RYR2: variants seen among roughly 807,000 people sequenced by gnomAD.
RYR2 encodes cardiac muscle ryanodine receptor-calcium release channel.
A neutral mutation model predicts 601.1 loss-of-function variants in RYR2; 227 were observed. The observed-to-expected ratio is 0.38, with a 90% confidence interval of 0.34 to 0.42. RYR2 has a LOEUF of 0.42. RYR2 is among the 10% of genes least tolerant of loss of function. RYR2 has a pLI of 1.00. For synonymous variants in RYR2, 2,223 were observed against 2,175.1 expected, an observed-to-expected ratio of 1.02 and a Z score of -0.61; for missense variants, 4,646 against 6,156.5, an observed-to-expected ratio of 0.75 and a Z score of 8.21.
chr1:237,486,598 C>G (rs1662715173), intron 17 of RYR2, among the ~76,000 whole-genome samples: 1 of 152,082 alleles, frequency 6.6e-6, no homozygotes, highest in East Asian at 1.9e-4. Flanking sequence ...ATGTTACTGG[C>G]CTTTTGTTGT....
chr1:237,684,715 G>A (rs1686211555), intron 62 of RYR2, among the ~76,000 whole-genome samples: 1 of 152,016 alleles, frequency 6.6e-6, no homozygotes, highest in Non-Finnish European at 1.5e-5. Context: ...ATATTAGCAT[G>A]TGGGGTTAAT....
intron 1 of RYR2, among the ~76,000 whole-genome samples, chr1:237,172,527 G>A (rs1382656741): frequency 6.6e-6 from 1 of 151,906 alleles, no homozygotes; most frequent in Non-Finnish European, 1.5e-5. Context: ...GAAAGGCAGT[G>A]CTCCAATGAG....
chr1:237,050,611 T>A (rs1237444396), intron 1 of RYR2, among the ~76,000 whole-genome samples: 2 of 152,228 alleles, frequency 1.3e-5, no homozygotes, highest in African/African-American at 4.8e-5. Context: ...TTCTCTTTCC[T>A]CCTGAGTTTA....
At chr1:237,219,936 G>A (rs772271006) in intron 1 of RYR2, among the ~76,000 whole-genome samples, 16 of 152,304 alleles carry the variant, frequency 1.1e-4, no homozygotes, top group Admixed American at 5.2e-4. Context: ...TGTGGCAGGC[G>A]CTGTGCCAGG....
At chr1:237,254,101 T>C (rs1467759398) in intron 1 of RYR2, among the ~76,000 whole-genome samples, 3 of 152,200 alleles carry the variant, frequency 2.0e-5, no homozygotes, top group Non-Finnish European at 4.4e-5. Context: ...AAGATTAAAA[T>C]TACTTCTGTG....
chr1:237,761,985 A>AT (rs1236454413), intron 84 of RYR2, among the ~76,000 whole-genome samples: 1 of 151,978 alleles, frequency 6.6e-6, no homozygotes, highest in South Asian at 2.1e-4. Context: ...TTATCTATGT[A>AT]TTTTTTTCTT....
chr1:237,627,814 G>A lies in RYR2; in HGVS notation c.6174G>A (p.Leu2058=), dbSNP rs531705847. Residue 2058 remains leucine, a synonymous_variant, in exon 41 of 105, where the codon CTG becomes CTA. Transcript: ENST00000366574. ...VESDSKKSST[L]QQLISETMVR... is the part of the protein sequence containing the mutation. ...TCCATAATGACTTTGCAGCCACTCTGCAGCAGCTGATTTCTGAGACCATGG... is the reference window on the plus strand; with the variant it reads ...TCCATAATGACTTTGCAGCCACTCTACAGCAGCTGATTTCTGAGACCATGG... 8.7e-6 allele frequency: 14 copies of A among 1,602,100 alleles called. No homozygotes were observed. In the East Asian group the frequency reaches 9.0e-5, roughly 10 times the overall value.
In RYR2 at chr1:237,732,147, A is replaced by G. The variant is rs1573718885; in HGVS notation, c.11037A>G (p.Lys3679=). 1 of 1,600,384 alleles carries G rather than the reference A, an allele frequency of 6.2e-7. No homozygotes were observed. Among genetic ancestry groups the G allele is most frequent in the South Asian group, 1.1e-5 (1 of 90,372 alleles). Residue 3679 remains lysine, a splice_region_variant and synonymous_variant, in exon 78 of 105, where the codon AAA becomes AAG. Coordinates refer to ENST00000366574, the MANE Select transcript of RYR2 (RefSeq NM_001035.3). ...LLFSRTALTE[K]CKLEEDFLYM... Reference sequence around the variant, plus strand: ...TTAGTCGGACAGCTTTAACAGAGAAATGGTATGGTTGGGAGGGTTCCTATG... The same window carrying G: ...TTAGTCGGACAGCTTTAACAGAGAAGTGGTATGGTTGGGAGGGTTCCTATG...
Position 237,660,862 on chromosome 1 carries a change from C to T in RYR2, c.8351C>T (p.Ala2784Val). 1 of 1,546,008 alleles carries T rather than the reference C, an allele frequency of 6.5e-7. No individual in the cohort carries two copies. The highest frequency in any genetic ancestry group is 8.7e-7 in the Non-Finnish European group (1 of 1,143,640). ...AAAGAATCTTTAAAAACTATGCTGG[C>T]TTGGGGCTGGAGAATTGAAAGAACT... ...PIKESLKTML[A>V]WGWRIERTRE... Residue 2784 changes from alanine (A) to valine (V), a missense_variant, in exon 56 of 105, where the codon GCT becomes GTT. This residue lies in a region of RYR2 where 1,497 missense variants were observed against 1,842.6 expected (regional missense o/e 0.81). Transcript: ENST00000366574.
chr1:237,507,225 A>G (rs913109189), intron 23 of RYR2, among the ~76,000 whole-genome samples: 1 of 152,258 alleles, frequency 6.6e-6, no homozygotes, highest in Non-Finnish European at 1.5e-5. Flanking sequence ...TTTCAGTTCC[A>G]ATTGTGTGTA....
intron 47 of RYR2, among the ~76,000 whole-genome samples, chr1:237,641,485 C>CTTTCTTTCTTTCTTTCTTTCTT (rs1558122561): frequency 3.6e-4 from 26 of 72,250 alleles, no homozygotes; most frequent in East Asian, 1.7e-3. Context: ...TTCTTTCTTT[C>CTTTCTTTCTTTCTTTCTTTCTT]TTTCTTTCTT....
Position 237,200,555 on chromosome 1 carries a change from G to C in RYR2, c.49-69942G>C, listed in dbSNP as rs1156614335. Among the ~76,000 whole-genome samples, 5 of 152,144 alleles carry C rather than the reference G, an allele frequency of 3.3e-5. No homozygotes were observed. The East Asian group carries it at 9.7e-4, about 29-fold the overall frequency. ...GCTGGGATTATAGGCGTGAGCCACT[G>C]CACCTGGCCCCATTCCATTCTTTAA... On this transcript the variant is annotated intron_variant, in intron 1 of 104. Transcript: ENST00000366574.
chr1:237,351,669 TA>T (rs992184778), intron 3 of RYR2, among the ~76,000 whole-genome samples: 1 of 151,934 alleles, frequency 6.6e-6, no homozygotes, highest in Non-Finnish European at 1.5e-5. Context: ...TTATATTTAT[TA>T]AATGAAATGA....
intron 2 of RYR2, among the ~76,000 whole-genome samples, chr1:237,312,102 A>C (rs1352853589): frequency 6.6e-6 from 1 of 152,196 alleles, no homozygotes; most frequent in African/African-American, 2.4e-5. Context: ...ACATAGAGAC[A>C]ATAGATTGTC....
At chr1:237,053,956 C>G (rs146349681) in intron 1 of RYR2, among the ~76,000 whole-genome samples, 2 of 152,240 alleles carry the variant, frequency 1.3e-5, no homozygotes, top group East Asian at 3.9e-4. Context: ...AGTATATTGG[C>G]CCACATTATT....
intron 80 of RYR2, among the ~76,000 whole-genome samples, chr1:237,748,524 G>A (rs1040852644): frequency 6.6e-6 from 1 of 152,196 alleles, no homozygotes; most frequent in Non-Finnish European, 1.5e-5. Flanking sequence ...GAGTGGTAAT[G>A]ATGGTAGCAG....
Position 237,778,780 on chromosome 1 carries a change from C to T in RYR2, c.11880+10C>T. ...GATGAAGCTGTCGCAGGTAAACTAA[C>T]TAACTGCCTTCCTCTCTCTTAAATG... On this transcript the variant is annotated intron_variant, in intron 88 of 104. Coordinates refer to ENST00000366574, the MANE Select transcript of RYR2 (RefSeq NM_001035.3). The T allele has an allele frequency of 3.5e-6, 5 of 1,410,276 alleles. No homozygotes were observed. The highest frequency in any genetic ancestry group is 5.0e-6 in the Non-Finnish European group (5 of 994,280). The allele number at this position is 1,410,276 out of a possible 1,614,324, so 87.4% of individuals were successfully genotyped here.
intron 4 of RYR2, among the ~76,000 whole-genome samples, chr1:237,363,041 T>C (rs890393019): frequency 1.3e-5 from 2 of 151,452 alleles, no homozygotes; most frequent in African/African-American, 4.9e-5. Flanking sequence ...AAAATCAGGC[T>C]GAGAAAATTG....
chr1:237,707,034 C>T lies in RYR2; in HGVS notation c.9666C>T (p.Ala3222=), dbSNP rs116442127. ...EKLMEEIVEL[A]ESGIRYTQMP... ...TCATGGAAGAAATCGTGGAATTAGC[C>T]GAGTCCGGCATTCGCTACACTCAAA... The change falls in exon 68 of 105, where the codon GCC becomes GCT. Residue 3222 remains alanine, a synonymous_variant. Coordinates refer to ENST00000366574, the MANE Select transcript of RYR2 (RefSeq NM_001035.3). The T allele has an allele frequency of 6.1e-4, 984 of 1,613,714 alleles. 1 individual carries two copies. In the African/African-American group the frequency reaches 0.011, roughly 18 times the overall value.
Sources: allele counts gnomAD v4.1 joint callset (sites outside exome capture counted in the v4.1 genomes callset), GRCh38; gene constraint gnomAD v4.1.1; regional missense constraint gnomAD v4.1.1; transcripts MANE v1.5; gene names NCBI Gene and HGNC (gene_info 2026-07-23, HGNC 2026-07-21).